The following CCDC14 variants were observed in gnomAD, a reference collection of about 807,000 sequenced individuals.
CCDC14 encodes the protein coiled-coil domain-containing protein 14.
A neutral mutation model predicts 81.4 loss-of-function variants in CCDC14; 71 were observed. That is an observed-to-expected ratio of 0.87 (90% confidence interval 0.72 to 1.06). The LOEUF (loss-of-function observed/expected upper bound fraction) is 1.06. Among genes scored for constraint, CCDC14 ranks in the 50% least tolerant of loss-of-function variants. The probability of loss-of-function intolerance (pLI) is 0.00; values close to 1 mark genes in which losing one functional copy is unlikely to be tolerated. For synonymous variants in CCDC14, 332 were observed against 364.8 expected (o/e 0.91, Z 1.03); for missense variants, 1,046 against 1,047.3 (o/e 1.00, Z 0.02).
chr3:123,957,843 TCC>T (rs1209687930), intron 1 of CCDC14: 1 of 151,992 alleles, frequency 6.6e-6, no homozygotes, highest in African/African-American at 2.4e-5. Flanking sequence ...AGTCCCTGAT[TCC>T]CCCCCTAGTT....
chr3:123,941,949 T>C (rs925469365), intron 9 of CCDC14, among the ~76,000 whole-genome samples: 1 of 152,128 alleles, frequency 6.6e-6, no homozygotes, highest in African/African-American at 2.4e-5. Flanking sequence ...AGTTTTGGTA[T>C]CCTTATTTAA....
Position 123,933,739 on chromosome 3 carries a change from T to C in CCDC14, c.1360A>G (p.Asn454Asp), listed in dbSNP as rs752302949. The C allele has an allele frequency of 2.9e-5, 45 of 1,565,902 alleles. No homozygotes were observed. The Middle Eastern group carries it at 6.7e-4, about 23-fold the overall frequency. ...TTCTGTTGTTCTCTGAGTTGCTGGT[T>C]CAAAATTCTCAACTGCCTAAAGAAA... is the stretch of plus-strand genomic sequence containing the variant. ...AQLRRQLRIL[N>D]QQLREQQKTQ... The change falls in exon 10 of 13, where the codon AAC becomes GAC. Residue 454 changes from asparagine to aspartate, a missense_variant. Coordinates refer to ENST00000409697, the MANE Select transcript of CCDC14 (RefSeq NM_001366335.1).
chr3:123,925,855 C>T (rs1018187886), intron 12 of CCDC14, among the ~76,000 whole-genome samples: 1 of 152,126 alleles, frequency 6.6e-6, no homozygotes, highest in African/African-American at 2.4e-5. Flanking sequence ...AGTTATTTCA[C>T]CTTGTTTACA....
At chr3:123,950,675 G>A (rs1291428663) in intron 5 of CCDC14, among the ~76,000 whole-genome samples, 2 of 151,964 alleles carry the variant, frequency 1.3e-5, no homozygotes, top group East Asian at 3.9e-4. Context: ...AGCCTCGCAG[G>A]GTGCTAAAAA....
At chr3:123,902,062 C>T (rs1438392366) in intron 5 of CCDC14, among the ~76,000 whole-genome samples, 27 of 152,122 alleles carry the variant, frequency 1.8e-4, no homozygotes, top group Admixed American at 1.8e-3. Flanking sequence ...AAAATCATAA[C>T]TGCAATGGAT....
intron 5 of CCDC14, among the ~76,000 whole-genome samples, chr3:123,904,374 G>A (rs565587246): frequency 6.6e-6 from 1 of 152,124 alleles, no homozygotes; most frequent in African/African-American, 2.4e-5. Context: ...GGTTACAGGT[G>A]TGTGGCTAGG....
chr3:123,930,430 G>A (rs2035627058), intron 12 of CCDC14, among the ~76,000 whole-genome samples: 1 of 152,090 alleles, frequency 6.6e-6, no homozygotes, highest in Non-Finnish European at 1.5e-5. Flanking sequence ...CTGACTTCTC[G>A]CCTAGAACTT....
At chr3:123,944,686 A>C (rs1026494582) in intron 9 of CCDC14, among the ~76,000 whole-genome samples, 163 bp downstream of exon 9, 1 of 152,198 alleles carries the variant, frequency 6.6e-6, no homozygotes, top group Non-Finnish European at 1.5e-5. Context: ...AGGAAGAGTT[A>C]GAGAATGCTG....
intron 12 of CCDC14, among the ~76,000 whole-genome samples, chr3:123,916,796 T>C (rs1458394549): frequency 1.3e-5 from 2 of 152,130 alleles, no homozygotes; most frequent in Non-Finnish European, 2.9e-5. Flanking sequence ...GGTGTTTGTT[T>C]GTTTGATGGC....
At chr3:123,949,849 C>G (rs1394380203) in intron 5 of CCDC14, among the ~76,000 whole-genome samples, 5 of 152,156 alleles carry the variant, frequency 3.3e-5, no homozygotes, top group South Asian at 2.1e-4. Flanking sequence ...CTCTTCACCA[C>G]CCTAGAGCAC....
chr3:123,907,546 C>A (rs6798327), intron 5 of CCDC14, among the ~76,000 whole-genome samples: 125,235 of 149,176 alleles, frequency 0.84, 52,734 homozygotes, highest in East Asian at 0.96. Context: ...TGTCTCCACA[C>A]AAAAAAAAAA....
downstream of CCDC14, among the ~76,000 whole-genome samples, chr3:123,908,867 T>C (rs866665091): frequency 9.2e-5 from 14 of 152,268 alleles, no homozygotes; most frequent in Middle Eastern, 0.027. Flanking sequence ...TTTTTTCAAA[T>C]GTGATTTACT....
At chr3:123,913,341 A>C, downstream of CCDC14, 1 of 979,148 alleles carries the variant, frequency 1.0e-6, no homozygotes, top group Non-Finnish European at 1.2e-6. Flanking sequence ...TAAGGGCCAA[A>C]TAGGATTACC....
chr3:123,949,820 C>A (rs2036904210), intron 5 of CCDC14, among the ~76,000 whole-genome samples: 1 of 152,162 alleles, frequency 6.6e-6, no homozygotes, highest in Non-Finnish European at 1.5e-5. Flanking sequence ...CCAATCCAAT[C>A]ATTCCAGTCT....
At chr3:123,939,993 G>C (rs2036264936) in intron 9 of CCDC14, among the ~76,000 whole-genome samples, 1 of 151,200 alleles carries the variant, frequency 6.6e-6, no homozygotes, top group Non-Finnish European at 1.5e-5. Flanking sequence ...ACTTACAAAT[G>C]GTTAAAAATA....
In CCDC14 at chr3:123,946,867, T is replaced by C. The variant is rs751170459; in HGVS notation, c.1137A>G (p.Thr379=). Residue 379 remains threonine, a synonymous_variant, in exon 8 of 13, where the codon ACA becomes ACG. Coordinates refer to ENST00000409697, the MANE Select transcript of CCDC14 (RefSeq NM_001366335.1). ...ATTTTATAATTCTAACTTTTTCAGC[T>C]GTCTTGTTCACATTTTTTGCCTTCT... ...DVQKAKNVNK[T]AEKVRIIKYL... The C allele has an allele frequency of 1.9e-6, 3 of 1,614,002 alleles. No homozygotes were observed. Among genetic ancestry groups the C allele is most frequent in the Admixed American group, 3.3e-5 (2 of 60,022 alleles).
At chr3:123,893,079 C>T (rs1026300893), downstream of CCDC14, among the ~76,000 whole-genome samples, 10 of 152,238 alleles carry the variant, frequency 6.6e-5, no homozygotes, top group Non-Finnish European at 1.2e-4. Flanking sequence ...CCTGGTATTA[C>T]AGGCATGAGC....
intron 2 of CCDC14, 83 bp from the exon 3 acceptor site, chr3:123,956,510 C>G (rs2037335465): frequency 9.8e-7 from 1 of 1,023,728 alleles, no homozygotes; most frequent in Non-Finnish European, 1.4e-6. Context: ...CCAGCAAAGA[C>G]AAGAAAGCTT....
At chr3:123,939,492 G>T (rs2036234407) in intron 9 of CCDC14, among the ~76,000 whole-genome samples, 1 of 147,950 alleles carries the variant, frequency 6.8e-6, no homozygotes. Context: ...TGTTTCCCAG[G>T]CTAGAATAAA....
Sources: gnomAD v4.1 joint callset for allele counts (sites outside exome capture counted in the v4.1 genomes callset) on GRCh38, gnomAD v4.1.1 for gene constraint, MANE v1.5 for transcripts, NCBI Gene and HGNC (gene_info 2026-07-23, HGNC 2026-07-21) for gene names.